Variants in SDK1 observed in about 807,000 individuals in gnomAD.
The protein encoded by SDK1 is protein sidekick-1.
SDK1 carries 157 observed loss-of-function variants against 245.5 expected under a neutral mutation model. The ratio of observed to expected loss-of-function variants is 0.64; its 90% CI spans 0.56 to 0.73. The LOEUF is 0.73. Ranked by LOEUF, SDK1 falls within the 30% of genes least tolerant of loss-of-function variation. The pLI, the probability that SDK1 is intolerant of heterozygous loss-of-function variation, is 0.00. For synonymous variants in SDK1, 1,647 were observed against 1,278.5 expected (o/e 1.29, Z -6.15); for missense variants, 3,583 against 3,002.3 (o/e 1.19, Z -4.52).
In SDK1 at chr7:3,885,181, G is replaced by A. The variant is rs558352613; in HGVS notation, c.847+63598G>A. Among the ~76,000 whole-genome samples the A allele has an allele frequency of 4.6e-5, 7 of 152,250 alleles. No individual in the cohort carries two copies. In the East Asian group the frequency reaches 1.4e-3, roughly 29 times the overall value. On this transcript the variant is annotated intron_variant, in intron 5 of 44. Coordinates refer to ENST00000404826, the MANE Select transcript of SDK1 (RefSeq NM_152744.4). Reference sequence around the variant, plus strand: ...AACGCGAGGGCTGTGGGTCCGAGAGGCCTTCCCTGCTGGCCATGGCAGTCC... The same window carrying A: ...AACGCGAGGGCTGTGGGTCCGAGAGACCTTCCCTGCTGGCCATGGCAGTCC...
At chr7:4,137,390 G>C (rs889685703) in intron 28 of SDK1, among the ~76,000 whole-genome samples, 1 of 152,206 alleles carries the variant, frequency 6.6e-6, no homozygotes, top group Non-Finnish European at 1.5e-5. Context: ...ACCTGGAGCT[G>C]AGATGCCTAC....
chr7:3,808,582 TGCAGTAA>T (rs143022839), intron 4 of SDK1, among the ~76,000 whole-genome samples: 2,417 of 152,204 alleles, frequency 0.016, 68 homozygotes, highest in African/African-American at 0.055. Flanking sequence ...TAACCAAGGG[TGCAGTAA>T]GCCCTCCTGA....
intron 1 of SDK1, among the ~76,000 whole-genome samples, chr7:3,362,746 C>T (rs769881444): frequency 2.1e-4 from 32 of 152,098 alleles, no homozygotes; most frequent in Middle Eastern, 3.4e-3. Context: ...GTTTTCTTCC[C>T]GGAAGACATT....
chr7:3,665,969 C>T (rs1341290494), intron 4 of SDK1, among the ~76,000 whole-genome samples: 1 of 152,166 alleles, frequency 6.6e-6, no homozygotes, highest in African/African-American at 2.4e-5. Flanking sequence ...GGTTGGCTCA[C>T]ACTTCCTATT....
At chr7:4,090,633 C>T (rs1387213504) in intron 22 of SDK1, among the ~76,000 whole-genome samples, 1 of 152,166 alleles carries the variant, frequency 6.6e-6, no homozygotes, top group Non-Finnish European at 1.5e-5. Flanking sequence ...ACAAGATGTT[C>T]CCAACTCATC....
intron 1 of SDK1, among the ~76,000 whole-genome samples, chr7:3,363,183 C>T (rs759166570): frequency 2.6e-5 from 4 of 152,174 alleles, no homozygotes; most frequent in Non-Finnish European, 5.9e-5. Context: ...TTCTCCATTT[C>T]TATAAATTTA....
chr7:3,541,369 G>A (rs867565921), intron 1 of SDK1, among the ~76,000 whole-genome samples: 2 of 152,190 alleles, frequency 1.3e-5, no homozygotes, highest in Non-Finnish European at 2.9e-5. Flanking sequence ...AGAGGAGGGC[G>A]TAATCTAAGC....
intron 17 of SDK1, among the ~76,000 whole-genome samples, chr7:4,037,207 T>C (rs1318867112): frequency 1.3e-5 from 2 of 152,252 alleles, no homozygotes; most frequent in Non-Finnish European, 2.9e-5. Context: ...ACAGGTCAGA[T>C]GACCAAAGAC....
At chr7:3,588,521 T>C (rs1780759450) in intron 1 of SDK1, among the ~76,000 whole-genome samples, 2 of 152,172 alleles carry the variant, frequency 1.3e-5, no homozygotes, top group African/African-American at 4.8e-5. Flanking sequence ...ATGTTGAATG[T>C]GCTGGACAGG....
intron 1 of SDK1, among the ~76,000 whole-genome samples, chr7:3,536,780 C>T (rs902820996): frequency 4.6e-5 from 7 of 151,606 alleles, no homozygotes; most frequent in Admixed American, 3.9e-4. Flanking sequence ...TACTTGTATT[C>T]GTTGGAATTT....
intron 19 of SDK1, among the ~76,000 whole-genome samples, chr7:4,060,345 T>A (rs1779459465): frequency 1.3e-5 from 2 of 152,018 alleles, no homozygotes; most frequent in South Asian, 2.1e-4. Context: ...AACCCAAAAT[T>A]AGTAGAAGGA....
intron 1 of SDK1, among the ~76,000 whole-genome samples, chr7:3,420,248 G>C (rs1207939088): frequency 6.6e-6 from 1 of 152,172 alleles, no homozygotes; most frequent in Admixed American, 6.5e-5. Flanking sequence ...ATTTATTTTT[G>C]GCTTGGTGAA....
At chr7:3,487,283 T>C (rs1300752257) in intron 1 of SDK1, among the ~76,000 whole-genome samples, 3 of 152,204 alleles carry the variant, frequency 2.0e-5, no homozygotes, top group Non-Finnish European at 4.4e-5. Flanking sequence ...TTGAAAAACA[T>C]ACAACTTTAC....
intron 1 of SDK1, among the ~76,000 whole-genome samples, chr7:3,377,849 G>C (rs1781392804): frequency 6.6e-6 from 1 of 152,116 alleles, no homozygotes; most frequent in Non-Finnish European, 1.5e-5. Context: ...CACGATCTCG[G>C]CTCACTGCAA....
chr7:3,886,025 G>A (rs563684970), intron 5 of SDK1, among the ~76,000 whole-genome samples: 220 of 152,306 alleles, frequency 1.4e-3, no homozygotes, highest in African/African-American at 5.0e-3. Context: ...AGGAGGCGGT[G>A]CCGTGCCACA....
At chr7:3,431,358 G>GT (rs34510123) in intron 1 of SDK1, among the ~76,000 whole-genome samples, 22,468 of 118,236 alleles carry the variant, frequency 0.19, 2,115 homozygotes, top group African/African-American at 0.23. Context: ...AATGTGGGAG[G>GT]TTTTTTTTTT....
chr7:3,610,605 C>T (rs1017865626), intron 1 of SDK1, among the ~76,000 whole-genome samples: 6 of 152,190 alleles, frequency 3.9e-5, no homozygotes, highest in Non-Finnish European at 7.3e-5. Context: ...AAAACTAGTA[C>T]ATAAATATAG....
At chr7:3,662,301 A>G (rs946681508) in intron 4 of SDK1, among the ~76,000 whole-genome samples, 3 of 152,162 alleles carry the variant, frequency 2.0e-5, no homozygotes, top group Admixed American at 6.5e-5. Flanking sequence ...ACATCTCACA[A>G]TACTCTTCAA....
chr7:3,417,963 A>G (rs566983979), intron 1 of SDK1, among the ~76,000 whole-genome samples: 2 of 152,040 alleles, frequency 1.3e-5, no homozygotes, highest in South Asian at 2.1e-4. Flanking sequence ...CATTTACGCA[A>G]CATTGGAACC....
Sources: allele counts gnomAD v4.1 joint callset (sites outside exome capture counted in the v4.1 genomes callset), GRCh38; gene constraint gnomAD v4.1.1; transcripts MANE v1.5; gene names NCBI Gene and HGNC (gene_info 2026-07-23, HGNC 2026-07-21).